CDH18: variants seen among roughly 807,000 people sequenced by gnomAD.
CDH18 encodes the protein cadherin-18.
CDH18 carries 31 observed loss-of-function variants against 67.9 expected under a neutral mutation model. That is an observed-to-expected ratio of 0.46 (90% CI 0.34 to 0.62). CDH18 has a LOEUF of 0.62. Among genes scored for constraint, CDH18 ranks in the 20% least tolerant of loss-of-function variants. CDH18 has a pLI of 0.01. For synonymous variants in CDH18, 362 were observed against 347.2 expected (o/e 1.04, Z -0.48); for missense variants, 890 against 975.5 (o/e 0.91, Z 1.17).
intron 5 of CDH18, among the ~76,000 whole-genome samples, chr5:19,651,352 A>T (rs1367121865): frequency 1.3e-5 from 2 of 152,138 alleles, no homozygotes; most frequent in African/African-American, 2.4e-5. Flanking sequence ...GTTCAACAGA[A>T]TTGCTTGTCA....
intron 2 of CDH18, among the ~76,000 whole-genome samples, chr5:20,074,764 A>C (rs1208356414): frequency 3.3e-5 from 5 of 151,694 alleles, no homozygotes; most frequent in Non-Finnish European, 7.4e-5. Context: ...AAGGTTGTTA[A>C]TTTCCTATAG....
intron 1 of CDH18, among the ~76,000 whole-genome samples, chr5:20,332,653 A>T (rs1739287560): frequency 6.6e-6 from 1 of 152,230 alleles, no homozygotes; most frequent in African/African-American, 2.4e-5. Context: ...TATTTCTAGT[A>T]ACAAAAATGT....
At chr5:20,252,692 CT>C (rs1293650992) in intron 2 of CDH18, among the ~76,000 whole-genome samples, 1 of 152,016 alleles carries the variant, frequency 6.6e-6, no homozygotes, top group African/African-American at 2.4e-5. Flanking sequence ...AATCCCAACA[CT>C]TTAAGAGGCA....
At chr5:19,917,491 C>A (rs1791958249) in intron 2 of CDH18, among the ~76,000 whole-genome samples, 1 of 152,092 alleles carries the variant, frequency 6.6e-6, no homozygotes, top group African/African-American at 2.4e-5. Context: ...GTAGCAAACA[C>A]TGTATATTAA....
chr5:19,485,149 A>G (rs1462027982), intron 11 of CDH18, among the ~76,000 whole-genome samples: 4 of 151,754 alleles, frequency 2.6e-5, no homozygotes, highest in African/African-American at 9.7e-5. Context: ...ATACATACAT[A>G]TATGATTGAG....
intron 5 of CDH18, among the ~76,000 whole-genome samples, chr5:19,702,628 T>A (rs1763417090): frequency 6.6e-6 from 1 of 151,964 alleles, no homozygotes. Flanking sequence ...TAGCTGGGTC[T>A]GTAGTGGCGT....
intron 2 of CDH18, among the ~76,000 whole-genome samples, chr5:20,247,632 C>T (rs547242638): frequency 7.2e-5 from 11 of 151,842 alleles, no homozygotes; most frequent in East Asian, 1.9e-4. Context: ...GGCATGGTGG[C>T]GATCACCTGT....
chr5:19,705,905 A>C (rs1421676546), intron 5 of CDH18, among the ~76,000 whole-genome samples: 6 of 152,166 alleles, frequency 3.9e-5, no homozygotes, highest in Admixed American at 1.3e-4. Flanking sequence ...AAATTAACTA[A>C]TTGGGTTCTC....
intron 5 of CDH18, among the ~76,000 whole-genome samples, chr5:19,708,108 T>G (rs1764197135): frequency 6.6e-6 from 1 of 152,174 alleles, no homozygotes; most frequent in Admixed American, 6.5e-5. Context: ...TAATGGCTCT[T>G]AGTAAGATCA....
intron 4 of CDH18, among the ~76,000 whole-genome samples, chr5:19,736,264 G>C (rs1207421098): frequency 6.6e-6 from 1 of 152,054 alleles, no homozygotes; most frequent in Non-Finnish European, 1.5e-5. Flanking sequence ...GGTAGCACAC[G>C]CCTTTAGGTG....
At chr5:19,914,317 G>T (rs1235718218) in intron 2 of CDH18, among the ~76,000 whole-genome samples, 5 of 151,954 alleles carry the variant, frequency 3.3e-5, no homozygotes, top group Non-Finnish European at 4.4e-5. Flanking sequence ...TAAATCAACT[G>T]TATAAAGTTA....
At chr5:20,526,157 G>T (rs146172895) in intron 1 of CDH18, among the ~76,000 whole-genome samples, 1 of 152,218 alleles carries the variant, frequency 6.6e-6, no homozygotes, top group Non-Finnish European at 1.5e-5. Flanking sequence ...ATCGTGGCCA[G>T]ACTCTTTGTT....
chr5:20,130,826 C>A (rs941677049), intron 2 of CDH18, among the ~76,000 whole-genome samples: 1 of 151,636 alleles, frequency 6.6e-6, no homozygotes, highest in Non-Finnish European at 1.5e-5. Context: ...GAATCCCAAT[C>A]ACTTCTATTT....
chr5:20,011,791 A>G (rs367665767), intron 2 of CDH18, among the ~76,000 whole-genome samples: 2 of 152,144 alleles, frequency 1.3e-5, no homozygotes, highest in East Asian at 3.9e-4. Flanking sequence ...CATACCAGGA[A>G]GGAAGTCTAC....
intron 2 of CDH18, among the ~76,000 whole-genome samples, chr5:20,024,972 C>A (rs1185390795): frequency 6.6e-6 from 1 of 152,142 alleles, no homozygotes; most frequent in Non-Finnish European, 1.5e-5. Flanking sequence ...TGTGGCTTAT[C>A]TACCAATAAT....
rs150187938 is a variant in CDH18, at chr5:19,819,587, C to G, written c.228+19172G>C. Among the ~76,000 whole-genome samples the G allele has an allele frequency of 5.6e-3, 849 of 152,266 alleles. 6 individuals carry two copies. Among genetic ancestry groups the G allele is most frequent in the African/African-American group, 0.02 (823 of 41,562 alleles). On this transcript the variant is annotated intron_variant, in intron 3 of 12. Transcript: ENST00000382275. ...AAGGAACTGTGAGGCAGCACACTCG[C>G]ATTGTAGGTGGGATCCCAGCTACAA...
chr5:19,603,353 A>G (rs1326885294), intron 6 of CDH18, among the ~76,000 whole-genome samples: 1 of 152,130 alleles, frequency 6.6e-6, no homozygotes, highest in East Asian at 1.9e-4. Flanking sequence ...GAGACTCAGG[A>G]GAGGGAAAAT....
At chr5:19,857,959 G>C (rs182163828) in intron 2 of CDH18, among the ~76,000 whole-genome samples, 1 of 152,070 alleles carries the variant, frequency 6.6e-6, no homozygotes. Context: ...ATATTAAGTG[G>C]TATGATATTT....
At chr5:19,987,253 A>AACACAC (rs10654722) in intron 1 of CDH18, among the ~76,000 whole-genome samples, 5,800 of 144,414 alleles carry the variant, frequency 0.04, 313 homozygotes, top group East Asian at 0.19. Flanking sequence ...CTGTACAGAC[A>AACACAC]ACACACACAC....
Sources: allele counts gnomAD v4.1 joint callset (sites outside exome capture counted in the v4.1 genomes callset), GRCh38; gene constraint gnomAD v4.1.1; transcripts MANE v1.5; gene names NCBI Gene and HGNC (gene_info 2026-07-23, HGNC 2026-07-21).